ZNF423: variants seen among roughly 807,000 people sequenced by gnomAD.
The protein encoded by ZNF423 is zinc finger protein 423.
In ZNF423, 12 loss-of-function variants were observed where a neutral mutation model predicts 95.8. The observed-to-expected ratio is 0.13, with a 90% CI of 0.08 to 0.20. The LOEUF (loss-of-function observed/expected upper bound fraction) is 0.20. Ranked by LOEUF, ZNF423 falls within the 10% of genes least tolerant of loss-of-function variation. The probability of loss-of-function intolerance (pLI) is 1.00; values close to 1 mark genes in which losing one functional copy is unlikely to be tolerated. For synonymous variants in ZNF423, 749 were observed against 711.9 expected (o/e 1.05, Z -0.83); for missense variants, 1,316 against 1,737.1 (o/e 0.76, Z 4.31).
At chr16:49,749,646 C>A (rs1049934426) in intron 2 of ZNF423, among the ~76,000 whole-genome samples, 1 of 152,230 alleles carries the variant, frequency 6.6e-6, no homozygotes, top group Non-Finnish European at 1.5e-5. Context: ...GATTTGTAAC[C>A]TTTCTACACT....
At chr16:49,518,090 G>T (rs1308049871) in intron 7 of ZNF423, 1 of 445,616 alleles carries the variant, frequency 2.2e-6, no homozygotes, top group African/African-American at 2.0e-5. Flanking sequence ...ACTGACAATG[G>T]AAAAGTTCAT....
intron 5 of ZNF423, among the ~76,000 whole-genome samples, chr16:49,577,610 C>T (rs766343961): frequency 2.2e-4 from 34 of 152,138 alleles, no homozygotes; most frequent in Non-Finnish European, 4.0e-4. Context: ...GTCCAGCAGC[C>T]GCTCAACTTG....
intron 7 of ZNF423, chr16:49,518,251 C>T (rs1348055059): frequency 7.8e-6 from 3 of 385,274 alleles, no homozygotes; most frequent in East Asian, 7.2e-5. Context: ...CCATTTCTTG[C>T]ATGTGCAGAC....
chr16:49,826,388 G>A (rs1440921069), intron 1 of ZNF423, among the ~76,000 whole-genome samples: 2 of 152,110 alleles, frequency 1.3e-5, no homozygotes, highest in Non-Finnish European at 2.9e-5. Context: ...CAGCAGCAGG[G>A]GCTACCCAAA....
At chr16:49,585,384 C>G (rs1372859070) in intron 5 of ZNF423, among the ~76,000 whole-genome samples, 1 of 152,200 alleles carries the variant, frequency 6.6e-6, no homozygotes, top group Non-Finnish European at 1.5e-5. Flanking sequence ...CCCACAGCTA[C>G]CAATGGAGGG....
chr16:49,668,836 C>T (rs1158520830), intron 3 of ZNF423, among the ~76,000 whole-genome samples: 1 of 152,160 alleles, frequency 6.6e-6, no homozygotes, highest in Non-Finnish European at 1.5e-5. Flanking sequence ...CTGTCATCTA[C>T]ATGCTGTGTG....
intron 3 of ZNF423, among the ~76,000 whole-genome samples, chr16:49,729,260 T>C (rs2033102659): frequency 6.6e-6 from 1 of 152,236 alleles, no homozygotes. Context: ...ATAAAGTAAG[T>C]GGCAATATTT....
At chr16:49,582,778 A>C (rs1416153945) in intron 5 of ZNF423, among the ~76,000 whole-genome samples, 1 of 152,246 alleles carries the variant, frequency 6.6e-6, no homozygotes, top group Non-Finnish European at 1.5e-5. Flanking sequence ...TGAAAAAACA[A>C]TAAAATCAAC....
chr16:49,529,958 TAGG>T, intron 5 of ZNF423, among the ~76,000 whole-genome samples: 1 of 152,162 alleles, frequency 6.6e-6, no homozygotes, highest in African/African-American at 2.4e-5. Flanking sequence ...CACACCTGTC[TAGG>T]AGAAGACCAA....
At chr16:49,684,767 G>A (rs1187278951) in intron 3 of ZNF423, among the ~76,000 whole-genome samples, 1 of 152,188 alleles carries the variant, frequency 6.6e-6, no homozygotes, top group Non-Finnish European at 1.5e-5. Context: ...CCTCCACCAG[G>A]TTAAGCAGCA....
chr16:49,699,359 GAAAT>G lies in ZNF423; in HGVS notation c.301+31408_301+31411del, dbSNP rs1237179533. ...GGCAGACGCCAAAAATAGCCCTTTG[GAAAT>G]AAATAAATAAATGCGGCCAAAACAT... On this transcript the variant is annotated intron_variant, in intron 3 of 7. Transcript: ENST00000563137. Among the ~76,000 whole-genome samples, 3 of 152,290 alleles carry G rather than the reference GAAAT, an allele frequency of 2.0e-5. No individual in the cohort carries two copies. The East Asian group carries it at 5.8e-4, about 29-fold the overall frequency.
intron 5 of ZNF423, among the ~76,000 whole-genome samples, chr16:49,621,633 C>T (rs889112047): frequency 6.6e-6 from 1 of 152,184 alleles, no homozygotes. Flanking sequence ...CCCACCAAGT[C>T]CCCCTGGTGC....
At chr16:49,736,446 A>G (rs1378974584) in intron 2 of ZNF423, among the ~76,000 whole-genome samples, 2 of 152,240 alleles carry the variant, frequency 1.3e-5, no homozygotes, top group Non-Finnish European at 2.9e-5. Flanking sequence ...CTTGGGGGAC[A>G]TTCTATGAGC....
upstream of ZNF423, among the ~76,000 whole-genome samples, chr16:49,858,722 C>CCCA (rs2035398864): frequency 7.1e-6 from 1 of 141,630 alleles, no homozygotes; most frequent in African/African-American, 2.6e-5. The surrounding 1 kb of genome is among the most constrained non-coding windows in gnomAD (Gnocchi z 4.3). Flanking sequence ...TAGGAGCCCC[C>CCCA]CCCCCCACGC....
At chr16:49,695,254 T>C (rs569027036) in intron 3 of ZNF423, among the ~76,000 whole-genome samples, 5 of 152,330 alleles carry the variant, frequency 3.3e-5, no homozygotes, top group African/African-American at 7.2e-5. Context: ...GCTGGCATTA[T>C]AGGTATGCAC....
chr16:49,694,938 T>C (rs1199077580), intron 3 of ZNF423, among the ~76,000 whole-genome samples: 3 of 152,172 alleles, frequency 2.0e-5, no homozygotes, highest in Non-Finnish European at 4.4e-5. Context: ...TTACAAATAC[T>C]TGTCCACCTA....
At chr16:49,601,276 G>A (rs1434911495) in intron 5 of ZNF423, among the ~76,000 whole-genome samples, 1 of 152,194 alleles carries the variant, frequency 6.6e-6, no homozygotes, top group Non-Finnish European at 1.5e-5. Flanking sequence ...TCCGCTGGCT[G>A]TGTCACCTTG....
intron 3 of ZNF423, among the ~76,000 whole-genome samples, chr16:49,712,678 TGC>T (rs1284560875): frequency 6.6e-6 from 1 of 152,264 alleles, no homozygotes; most frequent in Non-Finnish European, 1.5e-5. Flanking sequence ...CACATCACCT[TGC>T]CCTGCACACA....
Position 49,489,075 on chromosome 16 carries a change from C to T in ZNF423, c.*2200G>A, listed in dbSNP as rs908381050. ...ACATGGCGTGAAAAGCTCTTAAACC[C>T]CCCGCTGTATTTTTAATGGGGGCAG... On this transcript the variant is annotated 3_prime_UTR_variant, in exon 8 of 8. Transcript: ENST00000563137. 1 of 152,204 alleles carries T rather than the reference C, an allele frequency of 6.6e-6. No individual in the cohort carries two copies. Among genetic ancestry groups the T allele is most frequent in the Non-Finnish European group, 1.5e-5 (1 of 68,052 alleles). The allele number at this position is 152,204 out of a possible 1,614,324, so 9.4% of individuals were successfully genotyped here.
Sources: allele counts gnomAD v4.1 joint callset (sites outside exome capture counted in the v4.1 genomes callset), GRCh38; gene constraint gnomAD v4.1.1; non-coding constraint Gnocchi (gnomAD v3.1); transcripts MANE v1.5; gene names NCBI Gene and HGNC (gene_info 2026-07-23, HGNC 2026-07-21).